The following TXLNB variants were observed in gnomAD, a reference collection of about 807,000 sequenced individuals.
TXLNB encodes beta-taxilin.
In TXLNB, 37 loss-of-function variants were observed where a neutral mutation model predicts 57.4. That is an observed-to-expected ratio of 0.64 (90% CI 0.50 to 0.85). The LOEUF is 0.85. Ranked by LOEUF, TXLNB falls within the 40% of genes least tolerant of loss-of-function variation. TXLNB has a pLI of 0.00. For missense variants in TXLNB, 848 were observed against 825.6 expected (o/e 1.03, Z -0.33); for synonymous variants, 302 against 309.6 (o/e 0.98, Z 0.26).
At chr6:139,260,210 A>C (rs1776445182) in intron 6 of TXLNB, 108 bp downstream of exon 6, 2 of 1,302,914 alleles carry the variant, frequency 1.5e-6, no homozygotes, top group Admixed American at 2.6e-5. Flanking sequence ...ACAGAACGAG[A>C]CTCTGTCTCA....
At chr6:139,262,910 GC>G (rs1487353683) in intron 4 of TXLNB, 137 bp from the exon 5 acceptor site, 1 of 793,372 alleles carries the variant, frequency 1.3e-6, no homozygotes, top group Non-Finnish European at 1.9e-6. Flanking sequence ...AAGCTGCTCA[GC>G]CCCAAAATAA....
rs769579722 is a variant in TXLNB, at chr6:139,242,824, G to A, written c.1757C>T (p.Ala586Val). ...KASNSPAGLGAETQCEGLPVG... is the reference protein window; with the variant it reads ...KASNSPAGLGVETQCEGLPVG... ...AGGGAGACCCTCGCATTGGGTTTCTGCTCCCAACCCGGCAGGAGAATTACT... is the reference window on the plus strand; with the variant it reads ...AGGGAGACCCTCGCATTGGGTTTCTACTCCCAACCCGGCAGGAGAATTACT... The change falls in exon 10 of 10, where the codon GCA (alanine) becomes GTA (valine). Residue 586 changes from alanine to valine, a missense_variant. Transcript: ENST00000358430. 17 of 1,614,030 alleles carry A rather than the reference G, an allele frequency of 1.1e-5. No homozygotes were observed. The highest frequency in any genetic ancestry group is 6.6e-5 in the South Asian group (6 of 91,082).
chr6:139,235,607 T>C (rs948797369), downstream of TXLNB, among the ~76,000 whole-genome samples: 4 of 152,024 alleles, frequency 2.6e-5, no homozygotes, highest in Admixed American at 1.3e-4. Context: ...AGGGGTGGTT[T>C]CCCCCATGCT....
At chr6:139,316,800 T>C in the TXLNB span, among the ~76,000 whole-genome samples, 2 of 152,202 alleles carry the variant, frequency 1.3e-5, no homozygotes, top group Middle Eastern at 3.2e-3. Context: ...TCACATTCTT[T>C]GTGGGTTGTC....
the TXLNB span, among the ~76,000 whole-genome samples, chr6:139,184,268 G>T: frequency 2.0e-5 from 3 of 152,158 alleles, no homozygotes; most frequent in Non-Finnish European, 2.9e-5. Context: ...ATCAGTGGAT[G>T]GGCACCTTGT....
chr6:139,291,603 A>AG (rs1562292279), intron 1 of TXLNB, among the ~76,000 whole-genome samples: 1 of 152,236 alleles, frequency 6.6e-6, no homozygotes, highest in Non-Finnish European at 1.5e-5. Context: ...AGGGAAAAAA[A>AG]CAAAGTCAGA....
Position 139,243,080 on chromosome 6 carries a change from T to TCACGGCGG in TXLNB, c.1493_1500dup (p.Lys501ProfsTer3). ...ATCATGAAGGCTGTGGCCAGATTTT[T>TCACGGCGG]CACGGCGGTTTGGACACTATTAACC... On this transcript the variant is annotated frameshift_variant, in exon 10 of 10. Transcript: ENST00000358430. LOFTEE classifies it low-confidence loss of function (END_TRUNC). The TCACGGCGG allele has an allele frequency of 6.2e-7, 1 of 1,614,214 alleles. No homozygotes were observed. The highest frequency in any genetic ancestry group is 8.5e-7 in the Non-Finnish European group (1 of 1,180,036).
At chr6:139,244,508 G>T in intron 9 of TXLNB, 87 bp downstream of exon 9, 2 of 910,052 alleles carry the variant, frequency 2.2e-6, no homozygotes, top group Non-Finnish European at 3.6e-6. Flanking sequence ...ATAACCATTT[G>T]TACTATTACC....
chr6:139,196,483 T>TC, the TXLNB span, among the ~76,000 whole-genome samples: 1 of 149,016 alleles, frequency 6.7e-6, no homozygotes, highest in African/African-American at 2.5e-5. Flanking sequence ...CAAGCTATTC[T>TC]CCTGCCTCAG....
chr6:139,194,403 T>C, the TXLNB span, among the ~76,000 whole-genome samples: 11 of 152,338 alleles, frequency 7.2e-5, no homozygotes, highest in African/African-American at 2.6e-4. Flanking sequence ...ATGTCCAACA[T>C]TGAGTTCTTG....
chr6:139,301,716 C>G, the TXLNB span, among the ~76,000 whole-genome samples: 2,431 of 152,294 alleles, frequency 0.016, 63 homozygotes, highest in East Asian at 0.12. Context: ...GCACAGAAAT[C>G]AATGCTTCCC....
At chr6:139,192,421 G>A in the TXLNB span, among the ~76,000 whole-genome samples, 35 of 152,204 alleles carry the variant, frequency 2.3e-4, 1 homozygote, top group African/African-American at 7.0e-4. Flanking sequence ...ACCTTCTGTC[G>A]CATTTAGCAT....
At chr6:139,213,266 T>A in the TXLNB span, among the ~76,000 whole-genome samples, 1 of 152,172 alleles carries the variant, frequency 6.6e-6, no homozygotes, top group Non-Finnish European at 1.5e-5. Flanking sequence ...ACAGAAATTA[T>A]AACAAACGGT....
intron 3 of TXLNB, among the ~76,000 whole-genome samples, chr6:139,273,391 A>C (rs1776816623): frequency 6.6e-6 from 1 of 152,252 alleles, no homozygotes; most frequent in African/African-American, 2.4e-5. Context: ...GACACCCTAC[A>C]GGTGTTTCAT....
rs1030084066 is a variant in TXLNB, at chr6:139,242,744, G to T, written c.1837C>A (p.Gln613Lys). The T allele has an allele frequency of 3.1e-6, 5 of 1,613,428 alleles. No homozygotes were observed. The highest frequency in any genetic ancestry group is 4.2e-6 in the Non-Finnish European group (5 of 1,179,820). The change falls in exon 10 of 10, where the codon CAG becomes AAG. Residue 613 changes from glutamine to lysine, a missense_variant. Gln to Lys is a moderately conservative substitution (Grantham distance 53, BLOSUM62 1). Coordinates refer to ENST00000358430, the MANE Select transcript of TXLNB (RefSeq NM_153235.4). ...GCCTCGGTGGGAGCCTGTGGGGCCTGACCGGAAGCTTCTGCCTCTGGCTTC... is the reference window on the plus strand; with the variant it reads ...GCCTCGGTGGGAGCCTGTGGGGCCTTACCGGAAGCTTCTGCCTCTGGCTTC... ...SWKPEAEASG[Q>K]APQAPTEASL...
At chr6:139,164,080 ACTCTCTCT>A in the TXLNB span, among the ~76,000 whole-genome samples, 8 of 148,068 alleles carry the variant, frequency 5.4e-5, no homozygotes, top group African/African-American at 1.5e-4. Context: ...ACACACACAC[ACTCTCTCT>A]CTCTCTCTCT....
chr6:139,231,104 C>T, the TXLNB span, among the ~76,000 whole-genome samples: 5 of 152,184 alleles, frequency 3.3e-5, no homozygotes, highest in African/African-American at 1.2e-4. Flanking sequence ...TACCCTCACA[C>T]ACAAGTACAC....
intron 7 of TXLNB, among the ~76,000 whole-genome samples, chr6:139,251,966 G>T (rs181784229): frequency 3.3e-5 from 5 of 152,208 alleles, no homozygotes; most frequent in Non-Finnish European, 7.3e-5. Flanking sequence ...GTAGTATTTT[G>T]CGTCCACATC....
Position 139,242,688 on chromosome 6 carries a change from A to G in TXLNB, c.1893T>C (p.Pro631=). The G allele has an allele frequency of 6.2e-7, 1 of 1,610,604 alleles. No homozygotes were observed. Among genetic ancestry groups the G allele is most frequent in the Non-Finnish European group, 8.5e-7 (1 of 1,178,838 alleles). ...ASLQKMEADV[P]APACAAEEHV... The stretch of plus-strand genomic sequence containing the variant: ...GCTCTTCTGCTGCGCATGCTGGAGC[A>G]GGCACATCTGCCTCCATCTTCTGTA... Residue 631 remains proline (P), a synonymous_variant, in exon 10 of 10, where the codon CCT becomes CCC. Coordinates refer to ENST00000358430, the MANE Select transcript of TXLNB (RefSeq NM_153235.4).
Sources: allele counts gnomAD v4.1 joint callset (sites outside exome capture counted in the v4.1 genomes callset), GRCh38; gene constraint gnomAD v4.1.1; transcripts MANE v1.5; gene names NCBI Gene and HGNC (gene_info 2026-07-23, HGNC 2026-07-21).